Variants in DLD observed in about 807,000 individuals in gnomAD.
The protein encoded by DLD is dihydrolipoyl dehydrogenase, mitochondrial.
A neutral mutation model predicts 62.2 loss-of-function variants in DLD; 36 were observed. The observed-to-expected ratio is 0.58, with a 90% CI of 0.44 to 0.76. DLD has a LOEUF of 0.76. Among genes scored for constraint, DLD ranks in the 30% least tolerant of loss-of-function variants. DLD has a pLI of 0.00. For missense variants in DLD, 541 were observed against 608.6 expected, an observed-to-expected ratio of 0.89 and a Z score of 1.17; for synonymous variants, 204 against 199.6, an observed-to-expected ratio of 1.02 and a Z score of -0.19.
At chr7:107,905,171 T>C (rs915935500) in intron 6 of DLD, 113 bp downstream of exon 6, 1 of 1,051,308 alleles carries the variant, frequency 9.5e-7, no homozygotes, top group Non-Finnish European at 1.4e-6. Flanking sequence ...TAATTTAAAA[T>C]AGCTTGCTAA....
chr7:107,903,695 A>C, intron 5 of DLD, 148 bp downstream of exon 5: 1 of 534,726 alleles, frequency 1.9e-6, no homozygotes, highest in East Asian at 3.4e-5. Context: ...GGAGAGATTT[A>C]CTTAAAAAAG....
At chr7:107,905,080 T>A (rs2031971228) in intron 6 of DLD, 22 bp downstream of exon 6, 2 of 1,525,378 alleles carry the variant, frequency 1.3e-6, no homozygotes, top group Non-Finnish European at 9.1e-7. Context: ...ATATTCAGAT[T>A]TCTGCTTTAC....
rs190004956 is a variant in DLD, at chr7:107,909,868, A to G, written c.684+3500A>G. Among the ~76,000 whole-genome samples, 362 of 102,150 alleles carry G rather than the reference A, an allele frequency of 3.5e-3. 2 individuals are homozygous for G. Among genetic ancestry groups the G allele is most frequent in the African/African-American group, 0.013 (324 of 25,590 alleles). The allele number at this position is 102,150 out of a possible 152,430, so 67.0% of individuals were successfully genotyped here. A position where few individuals can be genotyped will look rare whatever the true frequency, so the allele number is the denominator to read the frequency against. On this transcript the variant is annotated intron_variant, in intron 8 of 13. Coordinates refer to ENST00000205402, the MANE Select transcript of DLD (RefSeq NM_000108.5). ...TTTTTTTTTTTTTTTTTTTTTTGAG[A>G]TGGAGTCTCGCTCTGTAGCCCCGGC...
intron 9 of DLD, 132 bp from the exon 10 acceptor site, chr7:107,916,662 C>G (rs2032276189): frequency 1.0e-6 from 1 of 962,142 alleles, no homozygotes; most frequent in African/African-American, 1.6e-5. Context: ...CAGAGCAAGA[C>G]TCTGTCTCAA....
At chr7:107,894,927 A>G (rs552268466) in intron 2 of DLD, among the ~76,000 whole-genome samples, 1 of 152,338 alleles carries the variant, frequency 6.6e-6, no homozygotes, top group South Asian at 2.1e-4. Flanking sequence ...TCATCAGGAC[A>G]GGGACTGTGT....
At chr7:107,896,593 G>A (rs1048600311) in intron 2 of DLD, among the ~76,000 whole-genome samples, 1 of 152,154 alleles carries the variant, frequency 6.6e-6, no homozygotes, top group Non-Finnish European at 1.5e-5. Flanking sequence ...TGATTTCAGA[G>A]GCTGAACAGT....
intron 2 of DLD, among the ~76,000 whole-genome samples, chr7:107,896,296 T>C (rs2031722045): frequency 6.6e-6 from 1 of 152,114 alleles, no homozygotes; most frequent in African/African-American, 2.4e-5. Flanking sequence ...GGACTGAAGT[T>C]TGGAGGTGGA....
chr7:107,919,321 C>G lies in DLD; in HGVS notation c.*62C>G. ...TGGGAGCTTTTGTAGAAGTCACATTCCTGAACAGGATATTCTCACAGCTCC... is the reference window on the plus strand; with the variant it reads ...TGGGAGCTTTTGTAGAAGTCACATTGCTGAACAGGATATTCTCACAGCTCC... On this transcript the variant is annotated 3_prime_UTR_variant, in exon 14 of 14. Coordinates refer to ENST00000205402, the MANE Select transcript of DLD (RefSeq NM_000108.5). The G allele has an allele frequency of 7.7e-7, 1 of 1,299,772 alleles. No homozygotes were observed. The highest frequency in any genetic ancestry group is 1.1e-6 in the Non-Finnish European group (1 of 912,156). The allele number at this position is 1,299,772 out of a possible 1,614,324, so 80.5% of individuals were successfully genotyped here. A position where few individuals can be genotyped will look rare whatever the true frequency, so the allele number is the denominator to read the frequency against.
At chr7:107,912,732 A>C (rs1209669655) in intron 8 of DLD, among the ~76,000 whole-genome samples, 1 of 151,788 alleles carries the variant, frequency 6.6e-6, no homozygotes, top group Admixed American at 6.6e-5. Flanking sequence ...GTTTGCAAAT[A>C]TTTTCTTCCT....
intron 8 of DLD, among the ~76,000 whole-genome samples, chr7:107,907,235 C>T (rs2032030662): frequency 6.6e-6 from 1 of 152,172 alleles, no homozygotes; most frequent in Non-Finnish European, 1.5e-5. Flanking sequence ...CTTTTTTATG[C>T]TATTTCCAGG....
intron 9 of DLD, among the ~76,000 whole-genome samples, chr7:107,916,168 T>A (rs2032264636): frequency 6.6e-6 from 1 of 152,238 alleles, no homozygotes; most frequent in African/African-American, 2.4e-5. Context: ...ATTCATTGAC[T>A]AATTAATGAC....
intron 1 of DLD, among the ~76,000 whole-genome samples, chr7:107,892,531 C>CTTTCTTTATTTA (rs113774070): frequency 6.7e-6 from 1 of 149,606 alleles, no homozygotes; most frequent in African/African-American, 2.5e-5. Flanking sequence ...ACTTTCAGAG[C>CTTTCTTTATTTA]TTTATTTATT....
intron 3 of DLD, 144 bp downstream of exon 3, chr7:107,901,961 T>C: frequency 1.4e-6 from 1 of 717,440 alleles, no homozygotes; most frequent in Admixed American, 2.3e-5. Flanking sequence ...TAATAAAGAT[T>C]AGGTTCATTT....
intron 8 of DLD, among the ~76,000 whole-genome samples, chr7:107,909,514 TATC>T (rs2032087686): frequency 6.6e-6 from 1 of 152,210 alleles, no homozygotes; most frequent in African/African-American, 2.4e-5. Context: ...TCTACAAGGA[TATC>T]ATGAGATTTT....
At position 107,919,279 on chromosome 7, in the gene DLD, T is replaced by A. The variant is rs145589369; in HGVS notation, c.*20T>A. 39 of 1,585,486 alleles carry A rather than the reference T, an allele frequency of 2.5e-5. No individual in the cohort carries two copies. In the African/African-American group the frequency reaches 4.2e-4, roughly 17 times the overall value. On this transcript the variant is annotated 3_prime_UTR_variant, in exon 14 of 14. Transcript: ENST00000205402. ...TTTTGAATTAGAAGATTATATATAT[T>A]TTTTTCTGAAATTTCCTGGGAGCTT...
intron 8 of DLD, among the ~76,000 whole-genome samples, chr7:107,906,910 G>A (rs552627118): frequency 6.6e-6 from 1 of 152,260 alleles, no homozygotes; most frequent in South Asian, 2.1e-4. Context: ...TAGAGTCACT[G>A]TGCCTTGTAA....
chr7:107,911,480 T>A (rs2032139132), intron 8 of DLD, among the ~76,000 whole-genome samples: 1 of 152,258 alleles, frequency 6.6e-6, no homozygotes, highest in East Asian at 1.9e-4. Flanking sequence ...TTATCTGTTT[T>A]CATTTCTCTT....
In DLD at chr7:107,915,629, T is replaced by C. The variant is rs190669075; in HGVS notation, c.808T>C (p.Phe270Leu). The change falls in exon 9 of 14, where the codon TTT becomes CTT. Residue 270 changes from phenylalanine to leucine, a missense_variant. Coordinates refer to ENST00000205402, the MANE Select transcript of DLD (RefSeq NM_000108.5). ...NFQRILQKQG[F>L]KFKLNTKVTG... is the part of the protein sequence containing the mutation. ...TCAACGCATCCTTCAAAAACAGGGG[T>C]TTAAATTTAAATTGAATACAAAGGT... The C allele has an allele frequency of 3.1e-6, 5 of 1,613,620 alleles. No homozygotes were observed. In the African/African-American group the frequency reaches 5.3e-5, roughly 17 times the overall value.
chr7:107,895,948 C>T (rs961078354), intron 2 of DLD, among the ~76,000 whole-genome samples: 15 of 152,126 alleles, frequency 9.9e-5, no homozygotes, highest in Non-Finnish European at 1.8e-4. Flanking sequence ...ATGTGAAATG[C>T]CTGCTGTTAG....
Sources: gnomAD v4.1 joint callset for allele counts (sites outside exome capture counted in the v4.1 genomes callset) on GRCh38, gnomAD v4.1.1 for gene constraint, MANE v1.5 for transcripts, NCBI Gene and HGNC (gene_info 2026-07-23, HGNC 2026-07-21) for gene names.